STMN4: variants seen among roughly 807,000 people sequenced by gnomAD.
STMN4 encodes stathmin 4, also known as stathmin-4.
STMN4 carries 12 observed loss-of-function variants against 29.1 expected under a neutral mutation model. The observed-to-expected ratio is 0.41, with a 90% confidence interval of 0.26 to 0.67. The LOEUF is 0.67. Ranked by LOEUF, STMN4 falls within the 30% of genes least tolerant of loss-of-function variation. STMN4 has a pLI of 0.30. For synonymous variants in STMN4, 114 were observed against 105.3 expected (o/e 1.08, Z -0.51); for missense variants, 181 against 262.8 (o/e 0.69, Z 2.15).
rs1801308392 is a variant in STMN4 at position 27,236,310 on chromosome 8, T to A, written c.*536A>T. ...AGAACTGGACACTTGGAGTCAATGT[T>A]TCATTGGTCATGATGATCAAAAAAT... On this transcript the variant is annotated 3_prime_UTR_variant, in exon 7 of 7. Coordinates refer to ENST00000350889, the MANE Select transcript of STMN4 (RefSeq NM_030795.4). 2 of 152,406 alleles carry A rather than the reference T, an allele frequency of 1.3e-5. No individual in the cohort carries two copies. The highest frequency in any genetic ancestry group is 2.9e-5 in the Non-Finnish European group (2 of 68,066). The allele number at this position is 152,406 out of a possible 1,614,324, so 9.4% of individuals were successfully genotyped here. A position where few individuals can be genotyped will look rare whatever the true frequency, so the allele number is the denominator to read the frequency against.
chr8:27,254,552 C>G (rs1801882747), intron 1 of STMN4, among the ~76,000 whole-genome samples: 1 of 152,104 alleles, frequency 6.6e-6, no homozygotes, highest in South Asian at 2.1e-4. Context: ...GATGGAAAGG[C>G]CAGCAAGCTT....
chr8:27,247,289 TGTGCCTGTGGGTCCATA>T (rs1563418396), intron 1 of STMN4, among the ~76,000 whole-genome samples: 2 of 150,652 alleles, frequency 1.3e-5, no homozygotes, highest in Non-Finnish European at 3.0e-5. Flanking sequence ...TCTATTTACT[TGTGCCTGTGGGTCCATA>T]GGGCCCTTAT....
intron 1 of STMN4, among the ~76,000 whole-genome samples, chr8:27,255,513 T>A (rs954223578): frequency 2.6e-5 from 4 of 152,210 alleles, no homozygotes; most frequent in African/African-American, 9.6e-5. Context: ...ATCCTATTAT[T>A]TAAAAGCAAG....
chr8:27,249,952 T>C (rs1367057925), intron 1 of STMN4, among the ~76,000 whole-genome samples: 2 of 152,338 alleles, frequency 1.3e-5, no homozygotes, highest in African/African-American at 2.4e-5. Flanking sequence ...AGATAATGCA[T>C]GTCCCAGTGG....
chr8:27,241,131 C>T lies in STMN4; in HGVS notation c.322G>A (p.Ala108Thr). Residue 108 changes from alanine to threonine, a missense_variant, in exon 5 of 7, where the codon GCC becomes ACC. Ala to Thr is a moderately conservative substitution (Grantham distance 58). Coordinates refer to ENST00000350889, the MANE Select transcript of STMN4 (RefSeq NM_030795.4). ...PSFDGVPEFNASLPRRRDPSL... is the reference protein window; with the variant it reads ...PSFDGVPEFNTSLPRRRDPSL... ...GGGTCTCGCCGCCTTGGCAGGGAGG[C>T]GTTGAACTCGGGAACCCCATCAAAG... 6.2e-7 allele frequency: 1 copy of T among 1,614,180 alleles called. No individual in the cohort carries two copies. The highest frequency in any genetic ancestry group is 8.5e-7 in the Non-Finnish European group (1 of 1,180,032).
intron 1 of STMN4, among the ~76,000 whole-genome samples, chr8:27,247,510 A>G (rs1169537309): frequency 6.6e-6 from 1 of 152,240 alleles, no homozygotes; most frequent in East Asian, 1.9e-4. Flanking sequence ...AACCTGTGGC[A>G]TCTGCGCCCA....
chr8:27,255,473 T>G (rs1801913908), intron 1 of STMN4, among the ~76,000 whole-genome samples: 1 of 152,186 alleles, frequency 6.6e-6, no homozygotes, highest in Non-Finnish European at 1.5e-5. Flanking sequence ...AAATTAAGCC[T>G]TTCTTTGATT....
chr8:27,255,992 AT>A (rs150905535), intron 1 of STMN4, among the ~76,000 whole-genome samples: 9,436 of 152,232 alleles, frequency 0.062, 400 homozygotes, highest in Non-Finnish European at 0.091. Context: ...ATAAAAAAAA[AT>A]ATTTAGATTT....
At position 27,236,781 on chromosome 8, in the gene STMN4, C is replaced by T. The variant is rs927678309; in HGVS notation, c.*65G>A. ...CTGGGAGCGCAGCCGGCGGGCGAGG[C>T]TGCCTGGAACGTGGAGCTGCTGGAG... On this transcript the variant is annotated 3_prime_UTR_variant, in exon 7 of 7. Coordinates refer to ENST00000350889, the MANE Select transcript of STMN4 (RefSeq NM_030795.4). 92 of 1,457,604 alleles carry T rather than the reference C, an allele frequency of 6.3e-5. No homozygotes were observed. The highest frequency in any genetic ancestry group is 8.1e-5 in the Non-Finnish European group (89 of 1,095,374). The allele number at this position is 1,457,604 out of a possible 1,614,324, so 90.3% of individuals were successfully genotyped here. A position where few individuals can be genotyped will look rare whatever the true frequency, so the allele number is the denominator to read the frequency against.
At position 27,236,874 on chromosome 8, in the gene STMN4, T is replaced by C; in HGVS notation, c.623A>G (p.Lys208Arg). ...DKHAEEVRKNKELKEEASR is the reference protein window; with the variant it reads ...DKHAEEVRKNRELKEEASR ...CCTGGAGGCCTCTTCCTTCAGCTCCTTGTTTTTCCGCACCTCCTCGGCGTG... is the reference window on the plus strand; with the variant it reads ...CCTGGAGGCCTCTTCCTTCAGCTCCCTGTTTTTCCGCACCTCCTCGGCGTG... The change falls in exon 7 of 7, where the codon AAG becomes AGG. Residue 208 changes from lysine to arginine, a missense_variant. Physicochemically the swap from Lys to Arg is conservative, Grantham distance 26. Coordinates refer to ENST00000350889, the MANE Select transcript of STMN4 (RefSeq NM_030795.4). 2.5e-6 allele frequency: 4 copies of C among 1,608,744 alleles called. No homozygotes were observed. Among genetic ancestry groups the C allele is most frequent in the Non-Finnish European group, 3.4e-6 (4 of 1,177,902 alleles).
chr8:27,239,064 G>A (rs1480177393), intron 6 of STMN4, among the ~76,000 whole-genome samples: 1 of 152,236 alleles, frequency 6.6e-6, no homozygotes, highest in Non-Finnish European at 1.5e-5. Flanking sequence ...AGCTTTGCAG[G>A]CTGGTGCATC....
chr8:27,243,540 G>A (rs980076464), intron 2 of STMN4, among the ~76,000 whole-genome samples, 171 bp downstream of exon 2: 1 of 151,808 alleles, frequency 6.6e-6, no homozygotes, highest in African/African-American at 2.4e-5. Flanking sequence ...AGGCAGTGGT[G>A]TGCCTCCCGC....
intron 1 of STMN4, among the ~76,000 whole-genome samples, chr8:27,249,663 G>A (rs947933383): frequency 1.3e-5 from 2 of 152,180 alleles, no homozygotes; most frequent in Admixed American, 1.3e-4. Context: ...CTCTGAATGA[G>A]AAGATGGATA....
At position 27,241,672 on chromosome 8, in the gene STMN4, C is replaced by T. The variant is rs1216394351; in HGVS notation, c.190+5G>A. On this transcript the variant is annotated splice_donor_5th_base_variant and intron_variant, in intron 4 of 6. Transcript: ENST00000350889. ...TGCGGAATCCCTCCGCTGCCTCCCT[C>T]CTACCCTGAGCTCTTCTTTCTCTCC... 1 of 1,614,186 alleles carries T rather than the reference C, an allele frequency of 6.2e-7. No homozygotes were observed. Among genetic ancestry groups the T allele is most frequent in the Admixed American group, 1.7e-5 (1 of 60,026 alleles).
intron 3 of STMN4, 149 bp downstream of exon 3, chr8:27,242,248 C>T: frequency 1.3e-6 from 1 of 799,998 alleles, no homozygotes; most frequent in Non-Finnish European, 2.0e-6. Flanking sequence ...CTCAGACCCT[C>T]GGGCTCACCC....
intron 1 of STMN4, among the ~76,000 whole-genome samples, chr8:27,256,666 T>C (rs146560825): frequency 1.3e-5 from 2 of 152,372 alleles, no homozygotes; most frequent in Non-Finnish European, 2.9e-5. Flanking sequence ...ATTATCCCAT[T>C]ACATGAGATG....
chr8:27,256,391 T>A (rs1051793409), intron 1 of STMN4, among the ~76,000 whole-genome samples: 4 of 152,062 alleles, frequency 2.6e-5, no homozygotes, highest in Admixed American at 6.6e-5. Context: ...AAAAAAAAGG[T>A]TGACTATCTA....
At chr8:27,239,661 T>C in intron 6 of STMN4, 1 of 1,400,210 alleles carries the variant, frequency 7.1e-7, no homozygotes, top group Non-Finnish European at 9.4e-7. Flanking sequence ...CTTGTCTATC[T>C]CTACTCCTTT....
intron 1 of STMN4, among the ~76,000 whole-genome samples, chr8:27,245,972 T>A (rs1801613098): frequency 6.6e-6 from 1 of 152,174 alleles, no homozygotes; most frequent in African/African-American, 2.4e-5. Flanking sequence ...AACCTGGGGT[T>A]TGGAGAAGTT....
Sources: gnomAD v4.1 joint callset for allele counts (sites outside exome capture counted in the v4.1 genomes callset) on GRCh38, gnomAD v4.1.1 for gene constraint, MANE v1.5 for transcripts, NCBI Gene and HGNC (gene_info 2026-07-23, HGNC 2026-07-21) for gene names.